The following CRIM1 variants were observed in gnomAD, a reference collection of about 807,000 sequenced individuals.
The protein encoded by CRIM1 is cysteine-rich motor neuron 1 protein.
CRIM1 carries 32 observed loss-of-function variants against 116.4 expected under a neutral mutation model. That is an observed-to-expected ratio of 0.27 (90% CI 0.21 to 0.37). The LOEUF is 0.37. CRIM1 is among the 10% of genes least tolerant of loss of function. The probability of loss-of-function intolerance (pLI) is 1.00; values close to 1 mark genes in which losing one functional copy is unlikely to be tolerated. For missense variants in CRIM1, 1,331 were observed against 1,354.8 expected (o/e 0.98, Z 0.28); for synonymous variants, 590 against 509.2 (o/e 1.16, Z -2.13).
chr2:36,441,342 A>G lies in CRIM1; in HGVS notation c.590A>G (p.Tyr197Cys). 6.2e-7 allele frequency: 1 copy of G among 1,614,170 alleles called. No individual in the cohort carries two copies. Among genetic ancestry groups the G allele is most frequent in the Non-Finnish European group, 8.5e-7 (1 of 1,180,028 alleles). Residue 197 changes from tyrosine to cysteine, a missense_variant, in exon 3 of 17, where the codon TAT becomes TGT. Tyr to Cys is a radical substitution (Grantham distance 194). Coordinates refer to ENST00000280527, the MANE Select transcript of CRIM1 (RefSeq NM_016441.3). ...GAAGATTCTGTTCTGATCGAGGGTT[A>G]TGCTCCTCCTGGGGAGTGCTGTCCC... ...CPEDSVLIEGYAPPGECCPLP... is the reference protein window; with the variant it reads ...CPEDSVLIEGCAPPGECCPLP...
intron 1 of CRIM1, among the ~76,000 whole-genome samples, chr2:36,358,979 T>C (rs1266657724): frequency 6.6e-6 from 1 of 152,150 alleles, no homozygotes; most frequent in Non-Finnish European, 1.5e-5. Context: ...CTGCCATTTT[T>C]AAAAAAAGAA....
chr2:36,364,484 TGTCAG>T (rs1669458318), intron 1 of CRIM1, among the ~76,000 whole-genome samples: 1 of 152,194 alleles, frequency 6.6e-6, no homozygotes, highest in South Asian at 2.1e-4. Context: ...ATGCCAAGCA[TGTCAG>T]GAGCAAGTAA....
At chr2:36,439,652 C>T (rs1007235559) in intron 2 of CRIM1, among the ~76,000 whole-genome samples, 3 of 152,106 alleles carry the variant, frequency 2.0e-5, no homozygotes, top group Admixed American at 1.3e-4. Flanking sequence ...CTCCGTGGCT[C>T]GTCCCCTCAC....
intron 14 of CRIM1, among the ~76,000 whole-genome samples, chr2:36,542,143 A>AT (rs1199307017): frequency 6.6e-6 from 1 of 152,148 alleles, no homozygotes; most frequent in African/African-American, 2.4e-5. Context: ...GTGAGCTAAT[A>AT]CACAGGACAG....
chr2:36,436,418 CAT>C (rs1481093856), intron 2 of CRIM1, among the ~76,000 whole-genome samples: 2 of 152,082 alleles, frequency 1.3e-5, no homozygotes, highest in African/African-American at 2.4e-5. Flanking sequence ...TATTTGAAAG[CAT>C]AACTTCACAA....
At chr2:36,381,973 G>A (rs1241172289) in intron 1 of CRIM1, among the ~76,000 whole-genome samples, 5 of 152,128 alleles carry the variant, frequency 3.3e-5, no homozygotes, top group Non-Finnish European at 7.4e-5. Context: ...TTTCATTGGT[G>A]GACCCACCTG....
In CRIM1 at chr2:36,537,404, C is replaced by A; in HGVS notation, c.2481C>A (p.Ala827=). The A allele has an allele frequency of 6.2e-7, 1 of 1,614,214 alleles. No homozygotes were observed. The highest frequency in any genetic ancestry group is 8.5e-7 in the Non-Finnish European group (1 of 1,180,048). The part of the protein sequence containing the change: ...VVCHFSGKAY[A]DEERWDLDSC... Reference sequence around the variant, plus strand: ...GCCACTTCAGTGGGAAGGCCTATGCCGACGAGGAGCGGTGGGACCTTGACA... The same window carrying A: ...GCCACTTCAGTGGGAAGGCCTATGCAGACGAGGAGCGGTGGGACCTTGACA... Residue 827 remains alanine (A), a synonymous_variant, in exon 14 of 17, where the codon GCC becomes GCA. Transcript: ENST00000280527.
chr2:36,546,973 T>G lies in CRIM1; in HGVS notation c.2747-11T>G, dbSNP rs1371241129. On this transcript the variant is annotated splice_polypyrimidine_tract_variant and intron_variant, in intron 15 of 16. Coordinates refer to ENST00000280527, the MANE Select transcript of CRIM1 (RefSeq NM_016441.3). ...TTAGGTAATAAATGCTTATAATTTT[T>G]TTTCTCCTAGATATGGGTCACCTCC... The G allele has an allele frequency of 1.3e-5, 20 of 1,521,220 alleles. No homozygotes were observed. The highest frequency in any genetic ancestry group is 1.8e-5 in the Non-Finnish European group (20 of 1,118,470). The allele number at this position is 1,521,220 out of a possible 1,614,324, so 94.2% of individuals were successfully genotyped here.
intron 2 of CRIM1, among the ~76,000 whole-genome samples, chr2:36,404,480 C>A (rs1016130883): frequency 6.6e-6 from 1 of 152,092 alleles, no homozygotes; most frequent in Non-Finnish European, 1.5e-5. Flanking sequence ...AAGTACCTTC[C>A]GAGGCGACCG....
intron 13 of CRIM1, among the ~76,000 whole-genome samples, chr2:36,524,787 C>G (rs925076841): frequency 6.6e-6 from 1 of 152,150 alleles, no homozygotes; most frequent in Non-Finnish European, 1.5e-5. Context: ...ACCTGCAAAT[C>G]GTAGTATTCT....
intron 1 of CRIM1, among the ~76,000 whole-genome samples, chr2:36,367,658 AAGTGAT>A (rs1194379711): frequency 3.3e-5 from 5 of 152,268 alleles, no homozygotes; most frequent in African/African-American, 1.2e-4. Context: ...GGGAAGGAAA[AAGTGAT>A]AGTGTCTACA....
At position 36,485,520 on chromosome 2, in the gene CRIM1, A is replaced by G. The variant is rs1572848451; in HGVS notation, c.1372+5826A>G. ...TGAATCAAGCTGCCCTTCTAATGAGATTTCCACTGGGCTGCCAGAAAAGTC... is the reference window on the plus strand; with the variant it reads ...TGAATCAAGCTGCCCTTCTAATGAGGTTTCCACTGGGCTGCCAGAAAAGTC... On this transcript the variant is annotated intron_variant, in intron 7 of 16. Transcript: ENST00000280527. Among the ~76,000 whole-genome samples, 2 of 152,256 alleles carry G rather than the reference A, an allele frequency of 1.3e-5. 1 individual carries two copies. The highest frequency in any genetic ancestry group is 4.2e-4 in the South Asian group (2 of 4,800).
chr2:36,537,496 C>T lies in CRIM1; in HGVS notation c.2573C>T (p.Pro858Leu). The T allele has an allele frequency of 6.2e-7, 1 of 1,614,166 alleles. No individual in the cohort carries two copies. Among genetic ancestry groups the T allele is most frequent in the Non-Finnish European group, 8.5e-7 (1 of 1,180,006 alleles). The change falls in exon 14 of 17, where the codon CCC (proline) becomes CTC (leucine). Residue 858 changes from proline to leucine, a missense_variant. Coordinates refer to ENST00000280527, the MANE Select transcript of CRIM1 (RefSeq NM_016441.3). ...TCGACCGTCAGCTGCCCCCCTCTGC[C>T]CTGTGTTGAGCCCATCAACGTGGAA... ...LCSTVSCPPLPCVEPINVEGS... is the reference protein window; with the variant it reads ...LCSTVSCPPLLCVEPINVEGS...
At chr2:36,385,453 C>G (rs1341698512) in intron 1 of CRIM1, among the ~76,000 whole-genome samples, 3 of 152,170 alleles carry the variant, frequency 2.0e-5, no homozygotes, top group African/African-American at 7.2e-5. Context: ...CAAAGAACCT[C>G]TCGTTTTCCT....
intron 1 of CRIM1, among the ~76,000 whole-genome samples, chr2:36,379,683 T>A (rs942679978): frequency 2.6e-5 from 4 of 151,740 alleles, no homozygotes; most frequent in Non-Finnish European, 5.9e-5. Context: ...CTGTGTTGAA[T>A]CCTTGCTTGA....
intron 13 of CRIM1, among the ~76,000 whole-genome samples, chr2:36,523,181 T>C (rs1305158099): frequency 1.3e-5 from 2 of 152,126 alleles, no homozygotes; most frequent in East Asian, 3.9e-4. Context: ...AAACACCAAG[T>C]CTCATATTAG....
At chr2:36,391,837 T>C (rs531938372) in intron 1 of CRIM1, among the ~76,000 whole-genome samples, 22 of 152,214 alleles carry the variant, frequency 1.4e-4, no homozygotes, top group African/African-American at 4.3e-4. Flanking sequence ...CCTGATACTT[T>C]AGTATGAATA....
chr2:36,547,291 C>T, intron 16 of CRIM1, 120 bp downstream of exon 16: 1 of 749,204 alleles, frequency 1.3e-6, no homozygotes, highest in South Asian at 1.7e-5. Context: ...TCTTCATAGC[C>T]TCAAATCCAT....
chr2:36,407,537 G>A (rs1672901954), intron 2 of CRIM1, among the ~76,000 whole-genome samples: 7 of 152,022 alleles, frequency 4.6e-5, no homozygotes, highest in Admixed American at 4.6e-4. Flanking sequence ...TTACCAAAAG[G>A]CAGAAACCAG....
Sources: allele counts gnomAD v4.1 joint callset (sites outside exome capture counted in the v4.1 genomes callset), GRCh38; gene constraint gnomAD v4.1.1; transcripts MANE v1.5; gene names NCBI Gene and HGNC (gene_info 2026-07-23, HGNC 2026-07-21).